The following TRPM3 variants were observed in gnomAD, a reference collection of about 807,000 sequenced individuals.
TRPM3 encodes the protein long transient receptor potential channel 3.
TRPM3 carries 77 observed loss-of-function variants against 181.2 expected under a neutral mutation model. The observed-to-expected ratio is 0.42, with a 90% CI of 0.35 to 0.51. The LOEUF (loss-of-function observed/expected upper bound fraction) is 0.51, where lower values mean the gene tolerates loss of function less well. Among genes scored for constraint, TRPM3 ranks in the 20% least tolerant of loss-of-function variants. The probability of loss-of-function intolerance (pLI) is 0.01; values close to 1 mark genes in which losing one functional copy is unlikely to be tolerated. For synonymous variants in TRPM3, 745 were observed against 796.4 expected, an observed-to-expected ratio of 0.94 and a Z score of 1.09; for missense variants, 1,759 against 2,196.7, an observed-to-expected ratio of 0.80 and a Z score of 3.98.
chr9:70,669,751 T>C (rs953773333), intron 9 of TRPM3, among the ~76,000 whole-genome samples: 3 of 149,970 alleles, frequency 2.0e-5, no homozygotes, highest in African/African-American at 4.9e-5. Flanking sequence ...TCTTTTCTTT[T>C]TTTTTTTTTT....
intron 1 of TRPM3, among the ~76,000 whole-genome samples, chr9:71,366,867 A>G (rs1344638612): frequency 1.3e-5 from 2 of 152,108 alleles, no homozygotes; most frequent in Admixed American, 1.3e-4. Context: ...TACAAATTCA[A>G]ATGGATTTCT....
At chr9:70,662,959 A>C (rs932200140) in intron 9 of TRPM3, among the ~76,000 whole-genome samples, 1 of 152,302 alleles carries the variant, frequency 6.6e-6, no homozygotes, top group African/African-American at 2.4e-5. Flanking sequence ...TTACAGCACA[A>C]TTCGCAATGG....
intron 6 of TRPM3, among the ~76,000 whole-genome samples, chr9:70,785,956 T>A (rs1213524559): frequency 6.6e-6 from 1 of 152,080 alleles, no homozygotes; most frequent in East Asian, 1.9e-4. Context: ...GGGGACCCAT[T>A]CGTTTTCTGT....
intron 9 of TRPM3, among the ~76,000 whole-genome samples, chr9:70,681,069 G>T (rs2065302470): frequency 6.6e-6 from 1 of 151,350 alleles, no homozygotes; most frequent in Non-Finnish European, 1.5e-5. Flanking sequence ...AATGGTTTTT[G>T]ATTTTCCATT....
At chr9:70,876,314 CAT>C (rs35293338) in intron 1 of TRPM3, among the ~76,000 whole-genome samples, 28 of 148,192 alleles carry the variant, frequency 1.9e-4, no homozygotes, top group Middle Eastern at 3.8e-3. Context: ...CATATATAGA[CAT>C]ATATATATAT....
intron 1 of TRPM3, among the ~76,000 whole-genome samples, chr9:71,057,981 C>T (rs1310885322): frequency 6.6e-6 from 1 of 151,912 alleles, no homozygotes; most frequent in Non-Finnish European, 1.5e-5. Flanking sequence ...CATAAACATA[C>T]AAGTCTAGAG....
At position 70,529,644 on chromosome 9, in the gene TRPM3, A is replaced by G. The variant is rs892562125; in HGVS notation, c.*6309T>C. The G allele has an allele frequency of 1.3e-5, 2 of 152,236 alleles. No individual in the cohort carries two copies. Among genetic ancestry groups the G allele is most frequent in the African/African-American group, 4.8e-5 (2 of 41,464 alleles). 9.4% of individuals were successfully genotyped at this position (152,236 alleles called of 1,614,324 possible). ...GTGGCTAACAAATATACATGCATAT[A>G]TCATTCAGAACAAGAGTAACTCTGA... On this transcript the variant is annotated 3_prime_UTR_variant, in exon 26 of 26. Transcript: ENST00000677713.
At position 71,335,436 on chromosome 9, in the gene TRPM3, T is replaced by G. The variant is rs569510266; in HGVS notation, c.183+111217A>C. On this transcript the variant is annotated intron_variant, in intron 1 of 24. Transcript: ENST00000357533. ...ACTTAATGACTTGTGGTTAAATTCT[T>G]ATACAGTGAGTACTTTTAAAATAGA... is the stretch of plus-strand genomic sequence containing the variant. 2.6e-5 allele frequency among the ~76,000 whole-genome samples: 4 copies of G among 152,272 alleles called. No individual in the cohort carries two copies. In the South Asian group the frequency reaches 6.2e-4, roughly 24 times the overall value.
intron 1 of TRPM3, among the ~76,000 whole-genome samples, chr9:70,900,984 AC>A (rs1452276203): frequency 7.9e-5 from 12 of 152,260 alleles, no homozygotes; most frequent in African/African-American, 2.9e-4. Context: ...GTAGAAGGCA[AC>A]TTTTTCTCTC....
intron 22 of TRPM3, among the ~76,000 whole-genome samples, chr9:70,567,407 C>A (rs1436067786): frequency 6.6e-6 from 1 of 152,250 alleles, no homozygotes; most frequent in South Asian, 2.1e-4. Context: ...CAGCAAAGAT[C>A]AACTAAGTTG....
chr9:71,213,647 C>G (rs1404573329), intron 1 of TRPM3, among the ~76,000 whole-genome samples: 3 of 151,994 alleles, frequency 2.0e-5, no homozygotes, highest in African/African-American at 7.2e-5. Context: ...TTGACTTCAT[C>G]TTTTTAAAAA....
chr9:71,059,585 G>C (rs992553078), intron 1 of TRPM3, among the ~76,000 whole-genome samples: 2 of 151,914 alleles, frequency 1.3e-5, no homozygotes, highest in African/African-American at 2.4e-5. Context: ...TTGTAAATGC[G>C]ATCAACATCT....
intron 1 of TRPM3, among the ~76,000 whole-genome samples, chr9:71,190,122 C>T (rs547678792): frequency 4.7e-4 from 72 of 151,896 alleles, no homozygotes; most frequent in Middle Eastern, 3.4e-3. Flanking sequence ...TGTCTAAAAG[C>T]GTATGGGCTC....
At chr9:70,546,276 T>C (rs554518779) in intron 25 of TRPM3, among the ~76,000 whole-genome samples, 2 of 152,280 alleles carry the variant, frequency 1.3e-5, no homozygotes, top group East Asian at 3.9e-4. Flanking sequence ...TTAACATCAG[T>C]ATCATCTGGA....
At chr9:71,305,348 CT>C (rs2087182848) in intron 1 of TRPM3, among the ~76,000 whole-genome samples, 1 of 152,096 alleles carries the variant, frequency 6.6e-6, no homozygotes, top group Admixed American at 6.5e-5. Flanking sequence ...AAAAATAAAC[CT>C]TTCCAGGAAT....
chr9:70,844,788 A>G (rs2094882618), intron 4 of TRPM3, among the ~76,000 whole-genome samples: 2 of 152,242 alleles, frequency 1.3e-5, no homozygotes, highest in South Asian at 4.1e-4. Context: ...GAACAAAAAT[A>G]ATAAACAATA....
chr9:71,413,605 T>G (rs1395482877), intron 1 of TRPM3, among the ~76,000 whole-genome samples: 1 of 152,158 alleles, frequency 6.6e-6, no homozygotes, highest in East Asian at 1.9e-4. Context: ...ATTAGAAACT[T>G]AATTCCCACT....
chr9:71,442,842 C>T (rs946603606), intron 1 of TRPM3, among the ~76,000 whole-genome samples: 4 of 152,214 alleles, frequency 2.6e-5, no homozygotes, highest in African/African-American at 7.2e-5. Context: ...GATTTCCATG[C>T]ATTTCTGCAC....
At chr9:71,351,315 A>G (rs1340899653) in intron 1 of TRPM3, among the ~76,000 whole-genome samples, 1 of 152,216 alleles carries the variant, frequency 6.6e-6, no homozygotes, top group East Asian at 1.9e-4. Context: ...CACAGCGTTA[A>G]GGCTGTAATT....
Sources: allele counts gnomAD v4.1 joint callset (sites outside exome capture counted in the v4.1 genomes callset), GRCh38; gene constraint gnomAD v4.1.1; transcripts MANE v1.5; gene names NCBI Gene and HGNC (gene_info 2026-07-23, HGNC 2026-07-21).